MLIP: variants seen among roughly 807,000 people sequenced by gnomAD.
MLIP encodes the protein muscular LMNA-interacting protein.
In MLIP, 79 loss-of-function variants were observed where a neutral mutation model predicts 84.8. That is an observed-to-expected ratio of 0.93 (90% CI 0.78 to 1.12). The LOEUF (loss-of-function observed/expected upper bound fraction) is 1.12, where lower values mean the gene tolerates loss of function less well. Ranked by LOEUF, MLIP falls within the 50% of genes most tolerant of loss-of-function variation. The pLI is 0.00. For missense variants in MLIP, 1,257 were observed against 1,160.6 expected, an observed-to-expected ratio of 1.08 and a Z score of -1.21; for synonymous variants, 504 against 463.0, an observed-to-expected ratio of 1.09 and a Z score of -1.14.
intron 1 of MLIP, among the ~76,000 whole-genome samples, chr6:54,090,598 A>T (rs1055620768): frequency 1.3e-5 from 2 of 152,000 alleles, no homozygotes; most frequent in Non-Finnish European, 2.9e-5. Flanking sequence ...TCATATTGTC[A>T]TAAGCATCGG....
At chr6:54,261,129 G>T (rs1783359272) in intron 13 of MLIP, among the ~76,000 whole-genome samples, 1 of 151,986 alleles carries the variant, frequency 6.6e-6, no homozygotes, top group Non-Finnish European at 1.5e-5. Context: ...TTTCTGAGTT[G>T]AGTTACTTAG....
chr6:54,133,144 T>C (rs906809272), intron 3 of MLIP, among the ~76,000 whole-genome samples: 1 of 152,104 alleles, frequency 6.6e-6, no homozygotes, highest in Non-Finnish European at 1.5e-5. Flanking sequence ...GAGAGGGGCT[T>C]CGTCATGAAG....
At chr6:54,241,451 T>A (rs1781731363) in intron 12 of MLIP, among the ~76,000 whole-genome samples, 1 of 152,166 alleles carries the variant, frequency 6.6e-6, no homozygotes, top group South Asian at 2.1e-4. Context: ...CAATTGGGCC[T>A]GAGTGTTTAC....
rs149716135 is a variant in MLIP, at chr6:54,048,694, AGATGAAGGC to A, written c.63+29604_63+29612del. Among the ~76,000 whole-genome samples, 830 of 152,318 alleles carry A rather than the reference AGATGAAGGC, an allele frequency of 5.4e-3. 6 individuals are homozygous for A. Among genetic ancestry groups the A allele is most frequent in the African/African-American group, 0.019 (782 of 41,582 alleles). On this transcript the variant is annotated intron_variant, in intron 1 of 12. Coordinates refer to the MLIP transcript ENST00000274897. ...AGAGCAGAGTGGTTCCATAGGGCACAGATGAAGGCTCTGGCCTGAGCCTCTGGTGACATT... is the reference window on the plus strand; with the variant it reads ...AGAGCAGAGTGGTTCCATAGGGCACATCTGGCCTGAGCCTCTGGTGACATT...
At chr6:54,151,319 T>G (rs1481373967) in intron 5 of MLIP, among the ~76,000 whole-genome samples, 3 of 152,178 alleles carry the variant, frequency 2.0e-5, no homozygotes, top group African/African-American at 7.2e-5. Flanking sequence ...TCAATAGTAT[T>G]TTTTGAATGA....
At chr6:54,168,382 T>C (rs1411647534) in intron 8 of MLIP, among the ~76,000 whole-genome samples, 1 of 151,918 alleles carries the variant, frequency 6.6e-6, no homozygotes, top group African/African-American at 2.4e-5. Context: ...CAAGGTATTT[T>C]GTAGAAGCAA....
chr6:54,152,381 G>A (rs1056214849), intron 5 of MLIP, among the ~76,000 whole-genome samples: 4 of 152,040 alleles, frequency 2.6e-5, no homozygotes, highest in Non-Finnish European at 5.9e-5. Context: ...ATATAACTGA[G>A]ACCGGAAGAA....
At chr6:54,251,214 G>T (rs1012949689) in intron 12 of MLIP, among the ~76,000 whole-genome samples, 1 of 151,578 alleles carries the variant, frequency 6.6e-6, no homozygotes, top group African/African-American at 2.4e-5. Flanking sequence ...TTTATACAAA[G>T]ATATTGGCAA....
intron 12 of MLIP, among the ~76,000 whole-genome samples, chr6:54,240,877 G>A (rs1781691330): frequency 6.6e-6 from 1 of 152,154 alleles, no homozygotes; most frequent in Non-Finnish European, 1.5e-5. Flanking sequence ...TCGAGAGGCT[G>A]AGGCGGGAGA....
intron 1 of MLIP, among the ~76,000 whole-genome samples, chr6:54,075,789 C>G (rs1766768356): frequency 6.6e-6 from 1 of 152,154 alleles, no homozygotes. Flanking sequence ...AGGTAGTTTT[C>G]CTGGTGATTA....
intron 1 of MLIP, among the ~76,000 whole-genome samples, chr6:54,098,403 G>C (rs533009607): frequency 7.1e-6 from 1 of 140,182 alleles, no homozygotes; most frequent in East Asian, 2.1e-4. Flanking sequence ...CTGGCCTCAA[G>C]TGATCCTCCT....
intron 1 of MLIP, among the ~76,000 whole-genome samples, chr6:54,104,723 T>C (rs576856772): frequency 9.1e-4 from 138 of 152,214 alleles, no homozygotes; most frequent in Non-Finnish European, 1.6e-3. Flanking sequence ...CCCTTTTTTT[T>C]CCCCCAAACT....
In MLIP at chr6:54,189,894, A is replaced by G. The variant is rs765454762; in HGVS notation, c.2569A>G (p.Thr857Ala). 2.5e-6 allele frequency: 4 copies of G among 1,603,614 alleles called. No individual in the cohort carries two copies. In the South Asian group the frequency reaches 3.3e-5, roughly 13 times the overall value. ...GGCAAATCTCTCCTCACCATCTTCT[A>G]CAGTATCTGAGAGTCAGCTGGTATG... ...KYANLSSPSS[T>A]VSESQLTKPG... Residue 857 changes from threonine to alanine, a missense_variant, in exon 10 of 14, where the codon ACA becomes GCA. By Grantham distance (58) the Thr-to-Ala change is moderately conservative. Transcript: ENST00000502396.
At chr6:54,166,851 A>G (rs577583096) in intron 8 of MLIP, among the ~76,000 whole-genome samples, 3 of 152,032 alleles carry the variant, frequency 2.0e-5, no homozygotes, top group South Asian at 2.1e-4. Flanking sequence ...CTTATCCTCA[A>G]TATGCATACA....
At chr6:54,216,768 CT>C in intron 11 of MLIP, 1 of 985,326 alleles carries the variant, frequency 1.0e-6, no homozygotes, top group Non-Finnish European at 1.2e-6. Flanking sequence ...ATTTGGGTTT[CT>C]AAGCAAGAAG....
At chr6:54,216,389 A>G in intron 11 of MLIP, 1 of 985,260 alleles carries the variant, frequency 1.0e-6, no homozygotes, top group Non-Finnish European at 1.2e-6. Context: ...AACTATATGT[A>G]TAGAAAAACA....
Position 54,245,072 on chromosome 6 carries a change from C to T in MLIP, c.2923-12236C>T, listed in dbSNP as rs113215715. 4.9e-4 allele frequency among the ~76,000 whole-genome samples: 75 copies of T among 152,222 alleles called. 2 individuals are homozygous for T. Among genetic ancestry groups the T allele is most frequent in the African/African-American group, 1.8e-3 (74 of 41,556 alleles). On this transcript the variant is annotated intron_variant, in intron 12 of 13. Transcript: ENST00000502396. The stretch of plus-strand genomic sequence containing the variant: ...TTATGGACAGAGAGAAAATAAACTG[C>T]CATCCATTTGCACCTTGTTCTGATG...
intron 12 of MLIP, among the ~76,000 whole-genome samples, chr6:54,248,365 T>C (rs1050203705): frequency 6.6e-6 from 1 of 152,192 alleles, no homozygotes; most frequent in Admixed American, 6.6e-5. Flanking sequence ...TCAATTCCAA[T>C]TTCAACTTCT....
At chr6:54,144,762 C>T (rs1772632040) in intron 4 of MLIP, among the ~76,000 whole-genome samples, 1 of 152,120 alleles carries the variant, frequency 6.6e-6, no homozygotes, top group Admixed American at 6.6e-5. Flanking sequence ...GAGTCCAAAC[C>T]CCTGATCCTC....
Sources: gnomAD v4.1 joint callset for allele counts (sites outside exome capture counted in the v4.1 genomes callset) on GRCh38, gnomAD v4.1.1 for gene constraint, MANE v1.5 for transcripts, NCBI Gene and HGNC (gene_info 2026-07-23, HGNC 2026-07-21) for gene names.